Variants in RMST observed in about 807,000 individuals in gnomAD.
The protein encoded by RMST is rhabdomyosarcoma 2 associated transcript.
rs189099259 is a variant in RMST, at chr12:97,550,589, T to C, written n.1546-9948T>C. ...ATCACATAAAATATTCATAGATTCC[T>C]GTCAGTAATTGCAAAGTTAAATTTA... On this transcript the variant is annotated intron_variant and non_coding_transcript_variant, in intron 11 of 13. Coordinates refer to ENST00000640149, the Ensembl canonical transcript of RMST. Among the ~76,000 whole-genome samples the C allele has an allele frequency of 3.3e-5, 5 of 152,274 alleles. No homozygotes were observed. In the East Asian group the frequency reaches 9.7e-4, roughly 29 times the overall value.
rs547529262 is a variant in RMST, at chr12:97,556,900, GA to G, written n.1546-3633del. 2.0e-3 allele frequency among the ~76,000 whole-genome samples: 301 copies of G among 152,262 alleles called. 2 individuals are homozygous for G. Among genetic ancestry groups the G allele is most frequent in the African/African-American group, 6.8e-3 (281 of 41,566 alleles). On this transcript the variant is annotated intron_variant and non_coding_transcript_variant, in intron 11 of 13. Transcript: ENST00000640149. ...AAAATAGACTTGGGAAAAAGGAGGT[GA>G]AAAGCAGACATTTTAATATTTACAA...
intron 9 of RMST, among the ~76,000 whole-genome samples, chr12:97,495,633 G>C (rs1025840110): frequency 6.6e-6 from 1 of 151,998 alleles, no homozygotes; most frequent in African/African-American, 2.4e-5. Context: ...TCTGAGCAAC[G>C]TGATACAGCC....
chr12:97,556,247 G>A (rs931622323), intron 11 of RMST, among the ~76,000 whole-genome samples: 1 of 152,116 alleles, frequency 6.6e-6, no homozygotes, highest in South Asian at 2.1e-4. Flanking sequence ...GCATTCTCTC[G>A]AATATTAAAG....
rs2136489271 is a variant in RMST, at chr12:97,504,478, C to A, written n.1340+8422C>A. On this transcript the variant is annotated intron_variant and non_coding_transcript_variant, in intron 10 of 13. Transcript: ENST00000640149. ...ATAGGTTTAATCTAAATCTTAAATA[C>A]TAGGTTTCCTAAAATACGTTTCTTA... Among the ~76,000 whole-genome samples, 3 of 149,184 alleles carry A rather than the reference C, an allele frequency of 2.0e-5. No homozygotes were observed. The South Asian group carries it at 6.4e-4, about 32-fold the overall frequency.
intron 10 of RMST, among the ~76,000 whole-genome samples, chr12:97,519,425 C>A (rs1231746231): frequency 6.6e-6 from 1 of 152,152 alleles, no homozygotes; most frequent in African/African-American, 2.4e-5. Flanking sequence ...GTGACTACAA[C>A]AAAAGCTAAT....
chr12:97,524,103 A>AAAAAAAAAAAAAAAAAAC (rs1880846588), intron 10 of RMST, among the ~76,000 whole-genome samples: 1 of 146,372 alleles, frequency 6.8e-6, no homozygotes, highest in African/African-American at 2.5e-5. Context: ...AAAAAAAAAA[A>AAAAAAAAAAAAAAAAAAC]TCACATAACT....
At chr12:97,529,847 A>G (rs1881474162) in intron 10 of RMST, among the ~76,000 whole-genome samples, 1 of 152,142 alleles carries the variant, frequency 6.6e-6, no homozygotes, top group East Asian at 1.9e-4. Context: ...ATTTCAGTAG[A>G]CAGACTTTTT....
intron 10 of RMST, among the ~76,000 whole-genome samples, chr12:97,510,692 G>T (rs77123313): frequency 0.013 from 1,936 of 152,162 alleles, 30 homozygotes; most frequent in African/African-American, 0.043. Context: ...TTACTTCTTG[G>T]TTACTTCCTG....
intron 5 of RMST, among the ~76,000 whole-genome samples, chr12:97,480,168 G>A (rs1875087304): frequency 6.7e-6 from 1 of 148,200 alleles, no homozygotes; most frequent in African/African-American, 2.5e-5. Flanking sequence ...TCGGCTCACT[G>A]CAAGCTCTGC....
intron 11 of RMST, among the ~76,000 whole-genome samples, chr12:97,535,245 T>C (rs1202402736): frequency 1.3e-5 from 2 of 151,710 alleles, no homozygotes; most frequent in African/African-American, 4.8e-5. Context: ...TTTCTAGGAC[T>C]AGTTTTCAAG....
At chr12:97,529,790 C>G (rs1392685059) in intron 10 of RMST, among the ~76,000 whole-genome samples, 1 of 152,046 alleles carries the variant, frequency 6.6e-6, no homozygotes, top group Admixed American at 6.6e-5. Flanking sequence ...ATTCATGATG[C>G]AAGTGTTGTG....
rs571081965 is a variant in RMST at position 97,478,247 on chromosome 12, G to T, written n.644+12520G>T. On this transcript the variant is annotated intron_variant and non_coding_transcript_variant, in intron 5 of 13. Transcript: ENST00000640149. ...TTATCAGTAGATATTTCTCTTCTAAGATGTACACCATAATTTTATGACCTG... is the reference window on the plus strand; with the variant it reads ...TTATCAGTAGATATTTCTCTTCTAATATGTACACCATAATTTTATGACCTG... Among the ~76,000 whole-genome samples, 116 of 152,290 alleles carry T rather than the reference G, an allele frequency of 7.6e-4. 3 individuals carry two copies. In the East Asian group the frequency reaches 0.021, roughly 27 times the overall value.
intron 10 of RMST, among the ~76,000 whole-genome samples, chr12:97,528,939 C>T (rs1215021131): frequency 6.6e-6 from 1 of 152,144 alleles, no homozygotes; most frequent in East Asian, 1.9e-4. Context: ...GACGTTGTGC[C>T]ACAACACACT....
At position 97,465,303 on chromosome 12, in the gene RMST, AAAGTTGTATCC is replaced by A. The variant is rs1198589235; in HGVS notation, n.585-362_585-352del. On this transcript the variant is annotated intron_variant and non_coding_transcript_variant, in intron 4 of 13. Transcript: ENST00000640149. ...CAGTCGCAGGCTGGTTCTTTGGGGG[AAAGTTGTATCC>A]AATATTGGTGACTCCCGGGAATAGT... Among the ~76,000 whole-genome samples the A allele has an allele frequency of 5.3e-5, 8 of 152,002 alleles. No individual in the cohort carries two copies. In the East Asian group the frequency reaches 1.6e-3, roughly 29 times the overall value.
intron 10 of RMST, among the ~76,000 whole-genome samples, chr12:97,520,067 C>T (rs1880355288): frequency 6.6e-6 from 1 of 152,096 alleles, no homozygotes; most frequent in Non-Finnish European, 1.5e-5. Context: ...GGTAAAGTCA[C>T]CTTGGAAAAA....
chr12:97,522,804 T>C (rs1476635091), intron 10 of RMST, among the ~76,000 whole-genome samples: 1 of 152,202 alleles, frequency 6.6e-6, no homozygotes, highest in Non-Finnish European at 1.5e-5. Context: ...TTACCATAAA[T>C]TTCAGTCAAA....
intron 5 of RMST, among the ~76,000 whole-genome samples, chr12:97,467,515 G>A (rs553333414): frequency 6.6e-6 from 1 of 151,920 alleles, no homozygotes; most frequent in African/African-American, 2.4e-5. Context: ...TAATATTGCT[G>A]AATTAACACA....
intron 10 of RMST, among the ~76,000 whole-genome samples, chr12:97,523,446 T>C (rs986180094): frequency 1.2e-4 from 19 of 152,212 alleles, no homozygotes; most frequent in African/African-American, 4.6e-4. Flanking sequence ...GTGTTGTATA[T>C]TTCAAAATAG....
chr12:97,513,136 C>G (rs1433871474), intron 10 of RMST, among the ~76,000 whole-genome samples: 1 of 152,190 alleles, frequency 6.6e-6, no homozygotes, highest in Admixed American at 6.5e-5. Flanking sequence ...CACCTCCCTG[C>G]AAGCTGAGGG....
Sources: allele counts gnomAD v4.1 joint callset (sites outside exome capture counted in the v4.1 genomes callset), GRCh38; gene constraint gnomAD v4.1.1; transcripts MANE v1.5; gene names NCBI Gene and HGNC (gene_info 2026-07-23, HGNC 2026-07-21).